Variants in MIER1 observed in about 807,000 individuals in gnomAD.
The protein encoded by MIER1 is mesoderm induction early response protein 1.
A neutral mutation model predicts 75.7 loss-of-function variants in MIER1; 40 were observed. The observed-to-expected ratio is 0.53, with a 90% CI of 0.41 to 0.69. MIER1 has a LOEUF of 0.69. MIER1 is among the 30% of genes least tolerant of loss of function. MIER1 has a pLI of 0.00. For synonymous variants in MIER1, 213 were observed against 223.4 expected, an observed-to-expected ratio of 0.95 and a Z score of 0.42; for missense variants, 574 against 680.2, an observed-to-expected ratio of 0.84 and a Z score of 1.74.
intron 6 of MIER1, 34 bp downstream of exon 6, chr1:66,959,017 A>G (rs780305448): frequency 7.0e-5 from 110 of 1,570,962 alleles, no homozygotes; most frequent in Non-Finnish European, 5.9e-5. Flanking sequence ...TTTGAATATA[A>G]TTTTTACTAT....
chr1:66,973,987 A>AT (rs1175632645), intron 11 of MIER1, among the ~76,000 whole-genome samples: 1 of 151,916 alleles, frequency 6.6e-6, no homozygotes, highest in Non-Finnish European at 1.5e-5. Context: ...TATCCAGTTG[A>AT]TTTTTTTGAC....
At chr1:66,966,498 G>C (rs978262010) in intron 8 of MIER1, among the ~76,000 whole-genome samples, 1 of 152,148 alleles carries the variant, frequency 6.6e-6, no homozygotes, top group Non-Finnish European at 1.5e-5. Flanking sequence ...ATAAACATAC[G>C]TGTGCATGTG....
intron 2 of MIER1, among the ~76,000 whole-genome samples, chr1:66,930,646 A>T (rs1377245699): frequency 6.6e-6 from 1 of 150,730 alleles, no homozygotes; most frequent in Non-Finnish European, 1.5e-5. Context: ...AGTGCAGCGT[A>T]GTAGTGCGGT....
intron 7 of MIER1, among the ~76,000 whole-genome samples, chr1:66,961,187 A>G (rs1661188141): frequency 6.6e-6 from 1 of 152,186 alleles, no homozygotes; most frequent in South Asian, 2.1e-4. Context: ...GTTGTTTTAA[A>G]TAATTGTCAA....
chr1:66,958,734 A>C, intron 5 of MIER1, 117 bp from the exon 6 acceptor site: 1 of 735,574 alleles, frequency 1.4e-6, no homozygotes, highest in Non-Finnish European at 2.1e-6. Context: ...ATGATACTAC[A>C]TCTAGTATAT....
At chr1:66,961,392 AGCCTTATGG>A (rs1249323664) in intron 7 of MIER1, among the ~76,000 whole-genome samples, 1 of 152,202 alleles carries the variant, frequency 6.6e-6, no homozygotes, top group East Asian at 1.9e-4. Flanking sequence ...TAACAATGTC[AGCCTTATGG>A]GGCTTGCTGA....
At chr1:66,956,463 C>T (rs778359448) in intron 4 of MIER1, among the ~76,000 whole-genome samples, 4 of 152,146 alleles carry the variant, frequency 2.6e-5, no homozygotes, top group Non-Finnish European at 5.9e-5. Flanking sequence ...ACACTTCTAT[C>T]TCTTATTTTG....
chr1:66,982,570 A>G (rs1666117835), intron 13 of MIER1, among the ~76,000 whole-genome samples: 1 of 152,204 alleles, frequency 6.6e-6, no homozygotes, highest in African/African-American at 2.4e-5. Flanking sequence ...CTTTGATTAA[A>G]TGGTCTTTTT....
intron 4 of MIER1, among the ~76,000 whole-genome samples, chr1:66,951,465 C>T (rs946963663): frequency 3.3e-5 from 5 of 152,148 alleles, no homozygotes; most frequent in Admixed American, 6.5e-5. Context: ...CTCCCACCTT[C>T]AGCCAGCCTT....
chr1:66,984,317 C>T (rs991484527), intron 13 of MIER1, among the ~76,000 whole-genome samples: 1 of 152,122 alleles, frequency 6.6e-6, no homozygotes, highest in Non-Finnish European at 1.5e-5. Flanking sequence ...CATTTATTAA[C>T]TTATTTAATT....
chr1:66,964,505 T>G (rs1570405361), intron 8 of MIER1, among the ~76,000 whole-genome samples: 1 of 147,466 alleles, frequency 6.8e-6, no homozygotes. Flanking sequence ...CAGGCTGGAG[T>G]GCAATGGCTC....
chr1:66,941,073 A>G (rs957591803), intron 3 of MIER1, among the ~76,000 whole-genome samples: 2 of 152,212 alleles, frequency 1.3e-5, no homozygotes, highest in Non-Finnish European at 2.9e-5. Context: ...TTTTAGAAAG[A>G]AAGCTTTTAA....
At chr1:66,969,078 G>A (rs919103672) in intron 8 of MIER1, among the ~76,000 whole-genome samples, 2 of 152,134 alleles carry the variant, frequency 1.3e-5, no homozygotes, top group Non-Finnish European at 2.9e-5. Context: ...TATAATTTAG[G>A]ATATAACTAG....
chr1:66,939,981 T>C (rs1399923553), intron 2 of MIER1, 47 bp from the exon 3 acceptor site: 3 of 1,463,338 alleles, frequency 2.1e-6, no homozygotes, highest in Non-Finnish European at 2.9e-6. Flanking sequence ...TTTGTGAAGA[T>C]ACATTATACA....
chr1:66,943,365 A>G (rs1656703318), intron 3 of MIER1, among the ~76,000 whole-genome samples: 1 of 152,200 alleles, frequency 6.6e-6, no homozygotes, highest in Non-Finnish European at 1.5e-5. Flanking sequence ...GAAAATTAAG[A>G]TAATATGCTT....
At chr1:66,928,974 T>C in intron 2 of MIER1, 1 of 1,554,852 alleles carries the variant, frequency 6.4e-7, no homozygotes, top group Non-Finnish European at 8.8e-7. Context: ...GTAATGTCCT[T>C]TCACTTAGCA....
chr1:66,953,980 G>A (rs952197285), intron 4 of MIER1, among the ~76,000 whole-genome samples: 1 of 152,090 alleles, frequency 6.6e-6, no homozygotes, highest in Non-Finnish European at 1.5e-5. Flanking sequence ...AAATAACGTT[G>A]TGTAAAAATA....
At position 66,963,109 on chromosome 1, in the gene MIER1, T is replaced by C; in HGVS notation, c.721T>C (p.Phe241Leu). The part of the protein sequence containing the change: ...WKKEIMVGSM[F>L]QAEIPVGICR... The stretch of plus-strand genomic sequence containing the variant: ...ATAGGAGATTATGGTGGGCTCCATG[T>C]TTCAAGCAGAAATTCCAGTTGGCAT... Residue 241 changes from phenylalanine to leucine, a missense_variant, in exon 8 of 14, where the codon TTT becomes CTT. Phe to Leu is a conservative substitution (Grantham distance 22). This residue lies in a region of MIER1 where 309 missense variants were observed against 352.8 expected (regional missense o/e 0.88). Transcript: ENST00000401041. The C allele has an allele frequency of 6.2e-7, 1 of 1,611,928 alleles. No homozygotes were observed. The highest frequency in any genetic ancestry group is 8.5e-7 in the Non-Finnish European group (1 of 1,178,306).
intron 3 of MIER1, among the ~76,000 whole-genome samples, chr1:66,945,293 A>G (rs368304775): frequency 0.18 from 2,363 of 12,844 alleles, 45 homozygotes; most frequent in Middle Eastern, 0.57. Context: ...ATATATATAT[A>G]TATATATATA....
Sources: allele counts gnomAD v4.1 joint callset (sites outside exome capture counted in the v4.1 genomes callset), GRCh38; gene constraint gnomAD v4.1.1; regional missense constraint gnomAD v4.1.1; transcripts MANE v1.5; gene names NCBI Gene and HGNC (gene_info 2026-07-23, HGNC 2026-07-21).